PHACTR1: variants seen among roughly 807,000 people sequenced by gnomAD.
PHACTR1 encodes the protein phosphatase and actin regulator 1.
In PHACTR1, 16 loss-of-function variants were observed where a neutral mutation model predicts 69.2. The observed-to-expected ratio is 0.23, with a 90% CI of 0.16 to 0.35. The LOEUF is 0.35. Among genes scored for constraint, PHACTR1 ranks in the 10% least tolerant of loss-of-function variants. The pLI is 1.00. For synonymous variants in PHACTR1, 312 were observed against 284.5 expected (o/e 1.10, Z -0.97); for missense variants, 510 against 734.7 (o/e 0.69, Z 3.54).
chr6:12,734,554 A>G (rs1290521356), intron 3 of PHACTR1, among the ~76,000 whole-genome samples: 1 of 152,204 alleles, frequency 6.6e-6, no homozygotes, highest in African/African-American at 2.4e-5. Flanking sequence ...GCTAACCTCA[A>G]AGATTGTACT....
chr6:13,277,772 A>AC (rs539518587), intron 11 of PHACTR1, among the ~76,000 whole-genome samples: 87 of 152,014 alleles, frequency 5.7e-4, no homozygotes, highest in African/African-American at 1.9e-3. Context: ...ACATCATGAG[A>AC]CCCCCATCTC....
chr6:12,778,664 C>G (rs564837064), intron 4 of PHACTR1, among the ~76,000 whole-genome samples: 3 of 152,300 alleles, frequency 2.0e-5, no homozygotes, highest in South Asian at 4.1e-4. Context: ...AGCACTTCCT[C>G]TCTCCCATTT....
intron 5 of PHACTR1, among the ~76,000 whole-genome samples, chr6:13,144,341 A>G (rs1317962185): frequency 1.3e-5 from 2 of 152,212 alleles, no homozygotes; most frequent in African/African-American, 4.8e-5. Context: ...TTAGAACTAA[A>G]TGAATTTAGC....
chr6:13,007,908 C>A (rs1028236591), intron 4 of PHACTR1, among the ~76,000 whole-genome samples: 1 of 152,068 alleles, frequency 6.6e-6, no homozygotes, highest in African/African-American at 2.4e-5. Context: ...CAGAGCAATC[C>A]CCTTAGTAAG....
At chr6:13,149,509 G>A (rs958049791) in intron 5 of PHACTR1, among the ~76,000 whole-genome samples, 7 of 152,230 alleles carry the variant, frequency 4.6e-5, no homozygotes, top group East Asian at 3.9e-4. Context: ...GTCTCATCTC[G>A]TACCTCATGG....
intron 5 of PHACTR1, among the ~76,000 whole-genome samples, chr6:13,098,171 A>C (rs1161004667): frequency 1.3e-5 from 2 of 152,150 alleles, no homozygotes; most frequent in African/African-American, 4.8e-5. Context: ...GAACTTCTCA[A>C]GTTGCTCACT....
chr6:13,023,018 AAAT>A (rs377765917), intron 4 of PHACTR1, among the ~76,000 whole-genome samples: 8 of 151,344 alleles, frequency 5.3e-5, no homozygotes, highest in Non-Finnish European at 8.8e-5. Context: ...TCCTGTCTCA[AAAT>A]AATAATAATA....
chr6:13,227,063 T>C (rs1769882030), intron 8 of PHACTR1, among the ~76,000 whole-genome samples: 1 of 152,172 alleles, frequency 6.6e-6, no homozygotes, highest in South Asian at 2.1e-4. Context: ...AACAAAGATA[T>C]TTGATCCAAG....
At chr6:12,777,854 A>G (rs1334353550) in intron 4 of PHACTR1, among the ~76,000 whole-genome samples, 1 of 151,252 alleles carries the variant, frequency 6.6e-6, no homozygotes, top group Admixed American at 6.6e-5. Context: ...CTGGTCTCAA[A>G]CTCCTGACCT....
At chr6:12,746,470 G>A (rs150643160) in intron 3 of PHACTR1, among the ~76,000 whole-genome samples, 15 of 152,242 alleles carry the variant, frequency 9.9e-5, no homozygotes, top group African/African-American at 3.6e-4. Context: ...CTGGGGAGGT[G>A]GAGGCTGCAG....
At chr6:13,192,026 G>A (rs1763673057) in intron 7 of PHACTR1, among the ~76,000 whole-genome samples, 1 of 152,024 alleles carries the variant, frequency 6.6e-6, no homozygotes, top group South Asian at 2.1e-4. Flanking sequence ...TGTCTTTTTT[G>A]TAGCACTGTT....
chr6:13,147,561 GTGTT>G (rs1168766834), intron 5 of PHACTR1, among the ~76,000 whole-genome samples: 1 of 152,214 alleles, frequency 6.6e-6, no homozygotes, highest in African/African-American at 2.4e-5. Flanking sequence ...GACTAAGCAA[GTGTT>G]TGTTAAGAGC....
intron 5 of PHACTR1, among the ~76,000 whole-genome samples, chr6:13,157,322 G>T (rs890808186): frequency 6.6e-6 from 1 of 152,176 alleles, no homozygotes; most frequent in Admixed American, 6.5e-5. Flanking sequence ...ATAGGAACTT[G>T]TCCCTTTTCT....
chr6:12,826,844 G>C (rs1435418695), intron 4 of PHACTR1, among the ~76,000 whole-genome samples: 2 of 152,182 alleles, frequency 1.3e-5, no homozygotes, highest in Non-Finnish European at 2.9e-5. Flanking sequence ...GGCATGCTTT[G>C]TTCAATGAAT....
intron 4 of PHACTR1, among the ~76,000 whole-genome samples, chr6:12,969,168 C>G (rs1349391047): frequency 6.6e-6 from 1 of 152,156 alleles, no homozygotes; most frequent in Non-Finnish European, 1.5e-5. Context: ...GTACCTCAAG[C>G]AATCCTAATG....
chr6:12,859,382 G>A (rs1780717265), intron 4 of PHACTR1, among the ~76,000 whole-genome samples: 1 of 152,098 alleles, frequency 6.6e-6, no homozygotes, highest in Admixed American at 6.5e-5. Flanking sequence ...TATAAATATA[G>A]TATATGTACA....
intron 4 of PHACTR1, among the ~76,000 whole-genome samples, chr6:13,043,374 C>A (rs1011816066): frequency 6.6e-6 from 1 of 151,508 alleles, no homozygotes; most frequent in African/African-American, 2.4e-5. Context: ...TTGCAGTGAA[C>A]GGAGATAGAG....
At chr6:13,104,892 AT>A (rs1260297055) in intron 5 of PHACTR1, among the ~76,000 whole-genome samples, 2 of 152,178 alleles carry the variant, frequency 1.3e-5, no homozygotes, top group African/African-American at 4.8e-5. Flanking sequence ...ACAGGTTTTT[AT>A]TGTGTCAGAA....
At chr6:12,880,008 A>G (rs1472967301) in intron 4 of PHACTR1, among the ~76,000 whole-genome samples, 1 of 152,212 alleles carries the variant, frequency 6.6e-6, no homozygotes, top group Non-Finnish European at 1.5e-5. Context: ...TTTGAGGTGC[A>G]AAGAGCTAAC....
Sources: allele counts gnomAD v4.1 joint callset (sites outside exome capture counted in the v4.1 genomes callset), GRCh38; gene constraint gnomAD v4.1.1; transcripts MANE v1.5; gene names NCBI Gene and HGNC (gene_info 2026-07-23, HGNC 2026-07-21).